The following ASIC2 variants were observed in gnomAD, a reference collection of about 807,000 sequenced individuals.
ASIC2 encodes acid sensing ion channel subunit 2, also known as acid-sensing ion channel 2.
ASIC2 carries 25 observed loss-of-function variants against 57.3 expected under a neutral mutation model. The ratio of observed to expected loss-of-function variants is 0.44; its 90% CI spans 0.32 to 0.61. The LOEUF (loss-of-function observed/expected upper bound fraction) is 0.61. ASIC2 is among the 20% of genes least tolerant of loss of function. The pLI is 0.06. For missense variants in ASIC2, 641 were observed against 738.1 expected (o/e 0.87, Z 1.52); for synonymous variants, 319 against 307.5 (o/e 1.04, Z -0.39).
intron 1 of ASIC2, among the ~76,000 whole-genome samples, chr17:33,802,358 A>G (rs1003324226): frequency 6.6e-6 from 1 of 152,246 alleles, no homozygotes; most frequent in Non-Finnish European, 1.5e-5. Flanking sequence ...ATAATTACAC[A>G]GTGATGAAAT....
intron 1 of ASIC2, chr17:34,039,548 G>C (rs531515505): frequency 5.6e-6 from 9 of 1,613,788 alleles, no homozygotes; most frequent in Admixed American, 1.7e-5. Flanking sequence ...AGTGAGGATC[G>C]TGCAACTGGT....
chr17:34,046,872 T>C (rs1908357714), intron 1 of ASIC2, among the ~76,000 whole-genome samples: 1 of 152,142 alleles, frequency 6.6e-6, no homozygotes, highest in East Asian at 1.9e-4. Context: ...TCTGTTAGAT[T>C]TACTCCCAGC....
At chr17:33,372,235 T>A (rs564439242) in intron 1 of ASIC2, among the ~76,000 whole-genome samples, 1 of 151,924 alleles carries the variant, frequency 6.6e-6, no homozygotes, top group South Asian at 2.1e-4. Flanking sequence ...TCAGAAGGCA[T>A]ACAGATGTTA....
chr17:33,152,065 C>G (rs555074943), intron 1 of ASIC2, among the ~76,000 whole-genome samples: 2 of 152,294 alleles, frequency 1.3e-5, no homozygotes, highest in East Asian at 3.9e-4. Context: ...ATGTCATCTC[C>G]TCTGGAGACT....
chr17:34,091,075 C>T (rs1026186432), intron 1 of ASIC2, among the ~76,000 whole-genome samples: 1 of 152,194 alleles, frequency 6.6e-6, no homozygotes, highest in African/African-American at 2.4e-5. Context: ...GCAGTTCCTT[C>T]AATCCTAAAA....
At chr17:33,112,183 C>T (rs2092261175) in intron 1 of ASIC2, 116 bp from the exon 2 acceptor site, 2 of 1,243,924 alleles carry the variant, frequency 1.6e-6, no homozygotes, top group Non-Finnish European at 2.2e-6. Flanking sequence ...CAGCCCATCA[C>T]CATCACCGCT....
intron 1 of ASIC2, among the ~76,000 whole-genome samples, chr17:33,400,403 A>G (rs1160136578): frequency 6.6e-6 from 1 of 152,254 alleles, no homozygotes; most frequent in Non-Finnish European, 1.5e-5. Flanking sequence ...AAGTGAGCTT[A>G]GAGGACAGTA....
chr17:33,121,759 A>C (rs1188244872), intron 1 of ASIC2, among the ~76,000 whole-genome samples: 1 of 152,004 alleles, frequency 6.6e-6, no homozygotes, highest in Admixed American at 6.5e-5. Context: ...CTGCATACCT[A>C]CTACATGCCA....
At chr17:33,571,676 C>A (rs1916450224) in intron 1 of ASIC2, among the ~76,000 whole-genome samples, 1 of 152,232 alleles carries the variant, frequency 6.6e-6, no homozygotes, top group South Asian at 2.1e-4. Context: ...CTTCTATATG[C>A]CCTGAGAGTG....
intron 1 of ASIC2, among the ~76,000 whole-genome samples, chr17:33,322,746 G>A (rs916214357): frequency 2.0e-5 from 3 of 152,100 alleles, no homozygotes; most frequent in Non-Finnish European, 4.4e-5. Flanking sequence ...AGAGCAGGAA[G>A]AGCAGAGGGA....
At chr17:33,585,019 C>A (rs1019736951) in intron 1 of ASIC2, among the ~76,000 whole-genome samples, 6 of 152,154 alleles carry the variant, frequency 3.9e-5, no homozygotes, top group African/African-American at 1.4e-4. Context: ...TTTTGGGGCC[C>A]TCACTTGCCA....
intron 1 of ASIC2, among the ~76,000 whole-genome samples, chr17:33,516,355 T>C (rs903014053): frequency 1.3e-5 from 2 of 151,634 alleles, no homozygotes; most frequent in East Asian, 1.9e-4. Context: ...TATGTGTGTG[T>C]GTGTGTGAGT....
intron 1 of ASIC2, among the ~76,000 whole-genome samples, chr17:33,470,430 T>C (rs552442741): frequency 3.9e-5 from 6 of 152,310 alleles, no homozygotes; most frequent in Admixed American, 1.3e-4. Context: ...GAGCCAAATA[T>C]ACTAAACCAT....
intron 3 of ASIC2, among the ~76,000 whole-genome samples, chr17:33,087,120 C>G (rs73982419): frequency 0.077 from 11,742 of 152,218 alleles, 851 homozygotes; most frequent in African/African-American, 0.19. Context: ...GAGGAGCTCA[C>G]CTAGGCTAGT....
At chr17:33,865,942 A>G (rs531984514) in intron 1 of ASIC2, among the ~76,000 whole-genome samples, 1 of 152,084 alleles carries the variant, frequency 6.6e-6, no homozygotes, top group Admixed American at 6.6e-5. Flanking sequence ...TTCAAAGGTA[A>G]CTATTCTCTT....
intron 1 of ASIC2, among the ~76,000 whole-genome samples, chr17:33,780,389 T>A (rs1567713665): frequency 6.6e-6 from 1 of 152,212 alleles, no homozygotes; most frequent in East Asian, 1.9e-4. Flanking sequence ...GCCCACCCCA[T>A]TGTAGCCACA....
At chr17:33,345,098 C>T (rs552952434) in intron 1 of ASIC2, among the ~76,000 whole-genome samples, 25 of 152,304 alleles carry the variant, frequency 1.6e-4, no homozygotes, top group Middle Eastern at 3.4e-3. Context: ...AGAAGGCTGT[C>T]ATGTGCAGAT....
intron 1 of ASIC2, among the ~76,000 whole-genome samples, chr17:33,328,657 G>A (rs1207454715): frequency 2.0e-5 from 3 of 151,996 alleles, no homozygotes; most frequent in Admixed American, 6.5e-5. Flanking sequence ...CTTCTCTCAG[G>A]ATTTCCTCTC....
intron 1 of ASIC2, chr17:34,051,858 C>CAGAGAGAG (rs933523151): frequency 9.1e-5 from 5 of 54,670 alleles, no homozygotes; most frequent in Non-Finnish European, 1.6e-4. Context: ...TACACACACA[C>CAGAGAGAG]AGAGAGAGAG....
Sources: gnomAD v4.1 joint callset for allele counts (sites outside exome capture counted in the v4.1 genomes callset) on GRCh38, gnomAD v4.1.1 for gene constraint, MANE v1.5 for transcripts, NCBI Gene and HGNC (gene_info 2026-07-23, HGNC 2026-07-21) for gene names.